TMEM132D: variants seen among roughly 807,000 people sequenced by gnomAD.
TMEM132D encodes mature OL transmembrane protein.
In TMEM132D, 21 loss-of-function variants were observed where a neutral mutation model predicts 62.3. The observed-to-expected ratio is 0.34, with a 90% CI of 0.24 to 0.49. TMEM132D has a LOEUF of 0.49. Ranked by LOEUF, TMEM132D falls within the 20% of genes least tolerant of loss-of-function variation. The pLI is 0.99. For synonymous variants in TMEM132D, 621 were observed against 575.6 expected, an observed-to-expected ratio of 1.08 and a Z score of -1.13; for missense variants, 1,346 against 1,402.8, an observed-to-expected ratio of 0.96 and a Z score of 0.65.
intron 4 of TMEM132D, among the ~76,000 whole-genome samples, chr12:129,302,170 A>G (rs1170476404): frequency 6.6e-6 from 1 of 152,192 alleles, no homozygotes; most frequent in Non-Finnish European, 1.5e-5. Flanking sequence ...GCTGGCGTGC[A>G]ATGGCATGAT....
At chr12:129,762,142 A>G (rs1283386605) in intron 1 of TMEM132D, among the ~76,000 whole-genome samples, 1 of 152,154 alleles carries the variant, frequency 6.6e-6, no homozygotes, top group East Asian at 1.9e-4. Flanking sequence ...TGATGCCAAA[A>G]GAGCTCTAAA....
rs1167488775 is a variant in TMEM132D at position 129,359,532 on chromosome 12, T to C, written c.1116-21715A>G. Among the ~76,000 whole-genome samples the C allele has an allele frequency of 2.6e-5, 4 of 152,370 alleles. No homozygotes were observed. The East Asian group carries it at 7.7e-4, about 29-fold the overall frequency. ...CAGTTCCTGAACTAAAAATGGATTT[T>C]ATATTTTTGAACTTAAAAAGAAAAG... On this transcript the variant is annotated intron_variant, in intron 3 of 8. Transcript: ENST00000422113.
In TMEM132D at chr12:129,699,980, C is replaced by T. The variant is rs2137225653; in HGVS notation, c.798G>A (p.Arg266=). 1 of 1,614,116 alleles carries T rather than the reference C, an allele frequency of 6.2e-7. No individual in the cohort carries two copies. The highest frequency in any genetic ancestry group is 1.3e-5 in the African/African-American group (1 of 75,068). ...TCTGATAAAGGAAGATGCTCCCGAT[C>T]CTCTGCAAGGGGGGCCCGGACTCAT... ...DIDESGPPLQ[R]IGSIFLYQTH... Residue 266 remains arginine (R), a synonymous_variant, in exon 2 of 9, where the codon AGG becomes AGA. Transcript: ENST00000422113.
intron 2 of TMEM132D, among the ~76,000 whole-genome samples, chr12:129,580,317 G>C (rs1344369892): frequency 1.3e-5 from 2 of 152,188 alleles, no homozygotes; most frequent in African/African-American, 2.4e-5. Context: ...GCCTGTACAG[G>C]ACTGGTCACC....
chr12:129,451,339 A>G (rs1355497067), intron 3 of TMEM132D, among the ~76,000 whole-genome samples: 1 of 152,178 alleles, frequency 6.6e-6, no homozygotes, highest in African/African-American at 2.4e-5. Context: ...TGAGTCGCTA[A>G]AGCCTAGATC....
intron 2 of TMEM132D, among the ~76,000 whole-genome samples, chr12:129,561,043 A>T (rs1303916018): frequency 4.6e-5 from 7 of 152,198 alleles, no homozygotes; most frequent in African/African-American, 1.7e-4. Flanking sequence ...TTACTGGATG[A>T]CAGATAATGG....
intron 3 of TMEM132D, among the ~76,000 whole-genome samples, chr12:129,485,784 T>C (rs750971357): frequency 1.1e-4 from 17 of 152,180 alleles, no homozygotes; most frequent in Non-Finnish European, 2.5e-4. Flanking sequence ...ATCTGAGGAA[T>C]TGAGTCCAAG....
At chr12:129,809,684 TG>T (rs1383339944) in intron 1 of TMEM132D, among the ~76,000 whole-genome samples, 5 of 152,220 alleles carry the variant, frequency 3.3e-5, no homozygotes, top group African/African-American at 1.2e-4. Context: ...TGTACATGTT[TG>T]TTTTTTTAAA....
At chr12:129,814,417 T>C (rs1056548615) in intron 1 of TMEM132D, among the ~76,000 whole-genome samples, 22 of 152,094 alleles carry the variant, frequency 1.4e-4, no homozygotes, top group Admixed American at 1.3e-3. Context: ...GAGACCAGCC[T>C]GACCAACATG....
intron 5 of TMEM132D, among the ~76,000 whole-genome samples, chr12:129,192,241 G>A (rs1377661238): frequency 6.6e-6 from 1 of 152,192 alleles, no homozygotes; most frequent in Non-Finnish European, 1.5e-5. Context: ...TGTTGCTCAA[G>A]AATATCAGAA....
chr12:129,851,581 G>A (rs954869664), intron 1 of TMEM132D, among the ~76,000 whole-genome samples: 6 of 152,132 alleles, frequency 3.9e-5, no homozygotes, highest in African/African-American at 1.4e-4. Context: ...CAACCAAAGT[G>A]TTAGCAGTAG....
chr12:129,179,921 G>A lies in TMEM132D; in HGVS notation c.1443+29599C>T, dbSNP rs185547961. On this transcript the variant is annotated intron_variant, in intron 5 of 8. Coordinates refer to ENST00000422113, the MANE Select transcript of TMEM132D (RefSeq NM_133448.3). ...CTGGAGCCTGTAATCCCAGCTACTC[G>A]GGAGGCTGAGGCAGGAGAATGGCTT... is the stretch of plus-strand genomic sequence containing the variant. Among the ~76,000 whole-genome samples, 151 of 152,126 alleles carry A rather than the reference G, an allele frequency of 9.9e-4. 1 individual carries two copies. The highest frequency in any genetic ancestry group is 3.5e-3 in the African/African-American group (146 of 41,482).
rs1355609879 is a variant in TMEM132D at position 129,084,571 on chromosome 12, C to T, written c.1575G>A (p.Pro525=). 32 of 1,613,836 alleles carry T rather than the reference C, an allele frequency of 2.0e-5. No individual in the cohort carries two copies. The highest frequency in any genetic ancestry group is 2.7e-5 in the African/African-American group (2 of 74,910). Residue 525 remains proline (P), a synonymous_variant, in exon 6 of 9, where the codon CCG becomes CCA. Coordinates refer to ENST00000422113, the MANE Select transcript of TMEM132D (RefSeq NM_133448.3). ...CGGTGTCGGAGACCTCGATCTGCAG[C>T]GGAAGCCGGGGCACCCACACCGTCA... ...LEMTVWVPRL[P]LQIEVSDTEL...
At chr12:129,170,668 T>C (rs1877694136) in intron 5 of TMEM132D, among the ~76,000 whole-genome samples, 3 of 151,898 alleles carry the variant, frequency 2.0e-5, no homozygotes, top group Admixed American at 6.6e-5. Flanking sequence ...CTACTAAAAA[T>C]ACAAAAATAA....
rs545247558 is a variant in TMEM132D, at chr12:129,789,626, G to T, written c.80-88928C>A. Among the ~76,000 whole-genome samples the T allele has an allele frequency of 9.7e-4, 148 of 152,316 alleles. 1 individual carries two copies. Among genetic ancestry groups the T allele is most frequent in the African/African-American group, 3.4e-3 (140 of 41,580 alleles). On this transcript the variant is annotated intron_variant, in intron 1 of 8. Coordinates refer to ENST00000422113, the MANE Select transcript of TMEM132D (RefSeq NM_133448.3). ...TGCTGATCAGAGAAGACTGTAGAGG[G>T]CATAGGTTGAAGAAAGGAGACCACT...
intron 3 of TMEM132D, among the ~76,000 whole-genome samples, chr12:129,432,887 G>T (rs1052634032): frequency 2.6e-5 from 4 of 152,182 alleles, no homozygotes; most frequent in African/African-American, 4.8e-5. Flanking sequence ...ACCTCAAGCT[G>T]AACTCTGCCA....
intron 1 of TMEM132D, among the ~76,000 whole-genome samples, chr12:129,899,615 TTGTG>T (rs1422208260): frequency 6.6e-6 from 1 of 152,202 alleles, no homozygotes; most frequent in African/African-American, 2.4e-5. Context: ...ATTCTAAATA[TTGTG>T]TAGCATAGCT....
intron 5 of TMEM132D, among the ~76,000 whole-genome samples, chr12:129,176,900 A>G (rs1371839013): frequency 6.6e-6 from 1 of 152,242 alleles, no homozygotes; most frequent in Non-Finnish European, 1.5e-5. Flanking sequence ...TAGTCTGAGA[A>G]CAAATGCTGC....
chr12:129,849,664 G>T (rs982331512), intron 1 of TMEM132D, among the ~76,000 whole-genome samples: 1 of 152,216 alleles, frequency 6.6e-6, no homozygotes, highest in Non-Finnish European at 1.5e-5. Flanking sequence ...GCAGGGGAGA[G>T]AAACTGCAGG....
Sources: allele counts gnomAD v4.1 joint callset (sites outside exome capture counted in the v4.1 genomes callset), GRCh38; gene constraint gnomAD v4.1.1; transcripts MANE v1.5; gene names NCBI Gene and HGNC (gene_info 2026-07-23, HGNC 2026-07-21).